Variants in ZNF407 observed in about 807,000 individuals in gnomAD.
ZNF407 encodes zinc finger protein 407.
Under a neutral mutation model 131.2 loss-of-function variants are expected in ZNF407, and 17 were observed. The ratio of observed to expected loss-of-function variants is 0.13; its 90% CI spans 0.09 to 0.19. The LOEUF (loss-of-function observed/expected upper bound fraction) is 0.19, where lower values mean the gene tolerates loss of function less well. ZNF407 is among the 10% of genes least tolerant of loss of function. ZNF407 has a pLI of 1.00. For missense variants in ZNF407, 2,681 were observed against 2,830.6 expected (o/e 0.95, Z 1.20); for synonymous variants, 1,156 against 1,062.0 (o/e 1.09, Z -1.72).
At chr18:74,834,952 T>C (rs1970535018) in intron 4 of ZNF407, among the ~76,000 whole-genome samples, 1 of 152,172 alleles carries the variant, frequency 6.6e-6, no homozygotes, top group South Asian at 2.1e-4. Context: ...CCTTTTTGCT[T>C]CTTAGATTTC....
intron 4 of ZNF407, among the ~76,000 whole-genome samples, chr18:74,845,964 T>C (rs890038618): frequency 3.3e-5 from 5 of 152,194 alleles, no homozygotes; most frequent in African/African-American, 1.2e-4. Flanking sequence ...GAGGAACTGG[T>C]AAATATAGCT....
chr18:74,997,017 A>G lies in ZNF407; in HGVS notation c.5429-66133A>G, dbSNP rs1972787297. Among the ~76,000 whole-genome samples, 5 of 152,230 alleles carry G rather than the reference A, an allele frequency of 3.3e-5. 1 individual carries two copies. Among genetic ancestry groups the G allele is most frequent in the Admixed American group, 3.3e-4 (5 of 15,280 alleles). On this transcript the variant is annotated intron_variant, in intron 8 of 8. Transcript: ENST00000299687. The stretch of plus-strand genomic sequence containing the variant: ...AGGAGATTGTTATTTTGTGTTACAA[A>G]TTAGGTTATTTCTGTCATAAAATTA...
chr18:75,033,967 T>G (rs919656196), intron 8 of ZNF407, among the ~76,000 whole-genome samples: 1 of 152,258 alleles, frequency 6.6e-6, no homozygotes, highest in East Asian at 1.9e-4. Context: ...TTCTTCATAT[T>G]TATCTAATGT....
At chr18:74,729,783 GA>G (rs1344091544) in intron 3 of ZNF407, among the ~76,000 whole-genome samples, 3 of 151,880 alleles carry the variant, frequency 2.0e-5, no homozygotes, top group African/African-American at 2.4e-5. Flanking sequence ...AAGGGGAATG[GA>G]AAAATATTTT....
intron 7 of ZNF407, among the ~76,000 whole-genome samples, chr18:74,903,539 T>C (rs1337169601): frequency 9.7e-4 from 13 of 13,356 alleles, no homozygotes; most frequent in Admixed American, 3.0e-3. Context: ...TTGTATTTCC[T>C]TAAAGATCTT....
At chr18:74,946,147 TTA>T (rs1330275461) in intron 8 of ZNF407, among the ~76,000 whole-genome samples, 1 of 152,206 alleles carries the variant, frequency 6.6e-6, no homozygotes, top group African/African-American at 2.4e-5. Context: ...AAGCAATGAA[TTA>T]CATATGCAAG....
intron 8 of ZNF407, among the ~76,000 whole-genome samples, chr18:74,928,359 G>A (rs1971940419): frequency 6.6e-6 from 1 of 152,182 alleles, no homozygotes; most frequent in South Asian, 2.1e-4. Flanking sequence ...TAGAAGCCAA[G>A]GTTCTTATTA....
intron 8 of ZNF407, among the ~76,000 whole-genome samples, chr18:74,935,056 T>C (rs1972024651): frequency 6.6e-6 from 1 of 152,242 alleles, no homozygotes; most frequent in African/African-American, 2.4e-5. Context: ...ACCTCGATTC[T>C]TGGCACAACT....
chr18:74,896,571 C>T (rs1256372394), intron 7 of ZNF407, among the ~76,000 whole-genome samples: 1 of 152,202 alleles, frequency 6.6e-6, no homozygotes, highest in East Asian at 1.9e-4. Flanking sequence ...TTGTCACCTG[C>T]ACACAGTTCA....
At chr18:74,629,303 C>G (rs1259256685) in intron 1 of ZNF407, among the ~76,000 whole-genome samples, 2 of 152,096 alleles carry the variant, frequency 1.3e-5, no homozygotes, top group Non-Finnish European at 2.9e-5. Flanking sequence ...TCTTTAGTGA[C>G]TACTGATGTA....
At chr18:74,725,606 T>A (rs1053606634) in intron 3 of ZNF407, among the ~76,000 whole-genome samples, 11 of 152,004 alleles carry the variant, frequency 7.2e-5, no homozygotes, top group Non-Finnish European at 1.3e-4. Flanking sequence ...AGAGTCTATT[T>A]TTATTTATTT....
At chr18:74,954,229 C>T (rs1210190829) in intron 8 of ZNF407, among the ~76,000 whole-genome samples, 2 of 152,164 alleles carry the variant, frequency 1.3e-5, no homozygotes, top group Admixed American at 6.5e-5. Flanking sequence ...CAAAAACCAA[C>T]TTACCCAGAA....
At chr18:75,028,986 C>T (rs1973204560) in intron 8 of ZNF407, among the ~76,000 whole-genome samples, 1 of 152,130 alleles carries the variant, frequency 6.6e-6, no homozygotes, top group Non-Finnish European at 1.5e-5. Context: ...ATATTCTGCC[C>T]ACAGAATATC....
intron 8 of ZNF407, among the ~76,000 whole-genome samples, chr18:74,992,902 G>C (rs144851527): frequency 1.3e-5 from 2 of 152,274 alleles, no homozygotes; most frequent in Non-Finnish European, 2.9e-5. Context: ...TTTTAGGAAC[G>C]TGAAAATTAA....
chr18:74,601,624 G>A (rs1441578484), intron 1 of ZNF407, among the ~76,000 whole-genome samples: 1 of 152,234 alleles, frequency 6.6e-6, no homozygotes, highest in East Asian at 1.9e-4. Flanking sequence ...GAAGGCAAAC[G>A]GGGAGCTTGC....
intron 3 of ZNF407, among the ~76,000 whole-genome samples, chr18:74,688,484 A>G (rs1599070591): frequency 6.6e-6 from 1 of 152,154 alleles, no homozygotes; most frequent in Non-Finnish European, 1.5e-5. Flanking sequence ...TGTGACTTGC[A>G]TTTGTCTTCT....
intron 6 of ZNF407, among the ~76,000 whole-genome samples, chr18:74,883,055 G>A (rs369650634): frequency 6.6e-6 from 1 of 152,184 alleles, no homozygotes; most frequent in African/African-American, 2.4e-5. Context: ...GTGATAGATC[G>A]ATCAGGAAGC....
chr18:74,610,530 G>A (rs1299447533), intron 1 of ZNF407, among the ~76,000 whole-genome samples: 1 of 151,972 alleles, frequency 6.6e-6, no homozygotes, highest in Admixed American at 6.6e-5. Flanking sequence ...TTTTAGAATA[G>A]GACTTAAATA....
At chr18:74,988,469 G>GAT (rs975595564) in intron 8 of ZNF407, among the ~76,000 whole-genome samples, 24 of 149,662 alleles carry the variant, frequency 1.6e-4, no homozygotes, top group South Asian at 4.2e-4. Flanking sequence ...AAAGAGAAAA[G>GAT]ATATATATAT....
Sources: gnomAD v4.1 joint callset for allele counts (sites outside exome capture counted in the v4.1 genomes callset) on GRCh38, gnomAD v4.1.1 for gene constraint, MANE v1.5 for transcripts, NCBI Gene and HGNC (gene_info 2026-07-23, HGNC 2026-07-21) for gene names.